Variants in ARHGAP10 observed in about 807,000 individuals in gnomAD.
The protein encoded by ARHGAP10 is rho GTPase-activating protein 10.
Under a neutral mutation model 108.6 loss-of-function variants are expected in ARHGAP10, and 87 were observed. The observed-to-expected ratio is 0.80, with a 90% CI of 0.67 to 0.96. ARHGAP10 has a LOEUF of 0.96. ARHGAP10 is among the 40% of genes least tolerant of loss of function. The probability of loss-of-function intolerance (pLI) is 0.00; values close to 1 mark genes in which losing one functional copy is unlikely to be tolerated. For synonymous variants in ARHGAP10, 347 were observed against 341.1 expected, an observed-to-expected ratio of 1.02 and a Z score of -0.19; for missense variants, 939 against 954.5, an observed-to-expected ratio of 0.98 and a Z score of 0.21.
chr4:147,975,117 A>G (rs1425732382), intron 18 of ARHGAP10, among the ~76,000 whole-genome samples: 1 of 152,360 alleles, frequency 6.6e-6, no homozygotes, highest in South Asian at 2.1e-4. Flanking sequence ...TTTCATGTAC[A>G]TTAAACATTT....
At chr4:147,737,532 T>C (rs1728472795) in intron 1 of ARHGAP10, among the ~76,000 whole-genome samples, 1 of 152,154 alleles carries the variant, frequency 6.6e-6, no homozygotes, top group Non-Finnish European at 1.5e-5. Context: ...TTTAGAGAGA[T>C]ACAGAAAATA....
intron 13 of ARHGAP10, among the ~76,000 whole-genome samples, chr4:147,921,918 A>T (rs1417629660): frequency 6.6e-6 from 1 of 152,060 alleles, no homozygotes; most frequent in East Asian, 1.9e-4. Context: ...CATTACTAAC[A>T]TTACTGTGCA....
intron 16 of ARHGAP10, among the ~76,000 whole-genome samples, chr4:147,958,091 G>A (rs912443102): frequency 1.3e-5 from 2 of 152,180 alleles, no homozygotes; most frequent in Non-Finnish European, 2.9e-5. Flanking sequence ...CCTGGTCTAT[G>A]GGGAATACAA....
intron 1 of ARHGAP10, among the ~76,000 whole-genome samples, chr4:147,791,426 G>A (rs1731118261): frequency 6.6e-6 from 1 of 151,116 alleles, no homozygotes; most frequent in East Asian, 2.0e-4. Context: ...CTGTACTTTA[G>A]GAGGAAAAAA....
chr4:147,770,227 C>T (rs1253642548), intron 1 of ARHGAP10, among the ~76,000 whole-genome samples: 1 of 152,154 alleles, frequency 6.6e-6, no homozygotes, highest in South Asian at 2.1e-4. Flanking sequence ...TTGTCTATCA[C>T]AGCACTTAGA....
At chr4:147,854,245 A>T (rs1237535421) in intron 4 of ARHGAP10, among the ~76,000 whole-genome samples, 1 of 152,230 alleles carries the variant, frequency 6.6e-6, no homozygotes, top group East Asian at 1.9e-4. Context: ...ATTAAGAAAA[A>T]ATGTGTTGCC....
intron 19 of ARHGAP10, among the ~76,000 whole-genome samples, chr4:148,030,397 G>A (rs1257242548): frequency 6.6e-6 from 1 of 152,188 alleles, no homozygotes; most frequent in Admixed American, 6.5e-5. Flanking sequence ...ACCAACCAAA[G>A]TATTGTTTAT....
chr4:147,763,183 G>GT (rs915552055), intron 1 of ARHGAP10, among the ~76,000 whole-genome samples: 1 of 148,502 alleles, frequency 6.7e-6, no homozygotes, highest in Non-Finnish European at 1.5e-5. Flanking sequence ...GAAAATGACT[G>GT]TTTTTTTGTT....
At chr4:148,003,732 C>T (rs577023169) in intron 18 of ARHGAP10, among the ~76,000 whole-genome samples, 1 of 152,264 alleles carries the variant, frequency 6.6e-6, no homozygotes, top group African/African-American at 2.4e-5. Flanking sequence ...AGGATTGTAA[C>T]CCTTGCCTTT....
intron 18 of ARHGAP10, among the ~76,000 whole-genome samples, chr4:147,999,713 C>A (rs1740620614): frequency 6.6e-6 from 1 of 152,156 alleles, no homozygotes; most frequent in Admixed American, 6.5e-5. Flanking sequence ...TCGTTGGAAT[C>A]CGTGAGGCCA....
intron 1 of ARHGAP10, among the ~76,000 whole-genome samples, chr4:147,750,030 G>A (rs1204835969): frequency 2.0e-5 from 3 of 152,130 alleles, no homozygotes; most frequent in Non-Finnish European, 2.9e-5. Context: ...GATTTATCTT[G>A]ACAAGCAAAG....
intron 3 of ARHGAP10, among the ~76,000 whole-genome samples, chr4:147,840,420 T>A (rs1050502208): frequency 4.6e-5 from 7 of 152,196 alleles, no homozygotes; most frequent in African/African-American, 1.7e-4. Context: ...TTTTTTTTAT[T>A]TCTTCCTCCT....
At chr4:147,818,764 T>A (rs62330693) in intron 1 of ARHGAP10, among the ~76,000 whole-genome samples, 2 of 152,062 alleles carry the variant, frequency 1.3e-5, no homozygotes, top group African/African-American at 4.8e-5. Context: ...GCTTTTGTTT[T>A]GAAAAGAAGA....
At chr4:148,039,561 A>G (rs1268943468) in intron 19 of ARHGAP10, among the ~76,000 whole-genome samples, 1 of 151,312 alleles carries the variant, frequency 6.6e-6, no homozygotes, top group African/African-American at 2.4e-5. Flanking sequence ...CTACCTCCCA[A>G]AGTGCTGGGA....
intron 18 of ARHGAP10, among the ~76,000 whole-genome samples, chr4:148,001,312 T>C (rs933057632): frequency 3.3e-5 from 5 of 152,228 alleles, no homozygotes; most frequent in Non-Finnish European, 7.3e-5. Context: ...TTTTGGTTAC[T>C]GTAGCCTTGT....
intron 16 of ARHGAP10, among the ~76,000 whole-genome samples, chr4:147,959,500 A>AGG (rs1262366923): frequency 6.6e-6 from 1 of 151,996 alleles, no homozygotes; most frequent in Non-Finnish European, 1.5e-5. Context: ...TATATCTCCT[A>AGG]ATGCTATCCC....
At chr4:147,780,199 C>G (rs753139013) in intron 1 of ARHGAP10, among the ~76,000 whole-genome samples, 1 of 152,164 alleles carries the variant, frequency 6.6e-6, no homozygotes, top group Admixed American at 6.5e-5. Flanking sequence ...TGGCTGCACT[C>G]GTTTCACTTC....
rs1481234646 is a variant in ARHGAP10 at position 147,784,716 on chromosome 4, TATA to T, written c.155-38007_155-38005del. ...TATATTATAAAATATATATTATAAA[TATA>T]ATATATTATAAAATATATATTATAA... On this transcript the variant is annotated intron_variant, in intron 1 of 22. Coordinates refer to ENST00000336498, the MANE Select transcript of ARHGAP10 (RefSeq NM_024605.4). 8.5e-4 allele frequency among the ~76,000 whole-genome samples: 57 copies of T among 67,256 alleles called. 6 individuals carry two copies. Among genetic ancestry groups the T allele is most frequent in the African/African-American group, 2.6e-3 (52 of 20,034 alleles). 44.1% of individuals were successfully genotyped at this position (67,256 alleles called of 152,430 possible). A position where few individuals can be genotyped will look rare whatever the true frequency, so the allele number is the denominator to read the frequency against.
chr4:147,977,994 G>T (rs942470650), intron 18 of ARHGAP10, among the ~76,000 whole-genome samples: 1 of 152,132 alleles, frequency 6.6e-6, no homozygotes, highest in Non-Finnish European at 1.5e-5. Context: ...CGTGATTTTG[G>T]TTTTTTAACT....
Sources: gnomAD v4.1 joint callset for allele counts (sites outside exome capture counted in the v4.1 genomes callset) on GRCh38, gnomAD v4.1.1 for gene constraint, MANE v1.5 for transcripts, NCBI Gene and HGNC (gene_info 2026-07-23, HGNC 2026-07-21) for gene names.